The following CSRNP1 variants were observed in gnomAD, a reference collection of about 807,000 sequenced individuals.
The protein encoded by CSRNP1 is cysteine and serine rich nuclear protein 1, also known as cysteine/serine-rich nuclear protein 1.
A neutral mutation model predicts 25.0 loss-of-function variants in CSRNP1; 8 were observed. The observed-to-expected ratio is 0.32, with a 90% CI of 0.19 to 0.58. CSRNP1 has a LOEUF of 0.58. Ranked by LOEUF, CSRNP1 falls within the 20% of genes least tolerant of loss-of-function variation. The pLI, the probability that CSRNP1 is intolerant of heterozygous loss-of-function variation, is 0.88. For synonymous variants in CSRNP1, 305 were observed against 303.1 expected, an observed-to-expected ratio of 1.01 and a Z score of -0.06; for missense variants, 691 against 773.1, an observed-to-expected ratio of 0.89 and a Z score of 1.26.
intron 1 of CSRNP1, chr3:39,148,141 A>G (rs1453978700): frequency 6.6e-6 from 1 of 152,198 alleles, no homozygotes; most frequent in Non-Finnish European, 1.5e-5. Flanking sequence ...GCGTGAGAGA[A>G]GCAAGAAAAT....
chr3:39,144,542 AC>A (rs1252764791), intron 3 of CSRNP1, 91 bp from the exon 4 acceptor site: 6 of 1,270,962 alleles, frequency 4.7e-6, no homozygotes, highest in Non-Finnish European at 6.4e-6. Flanking sequence ...CCAAGTGCTT[AC>A]CCCCCCACTA....
At position 39,142,949 on chromosome 3, in the gene CSRNP1, T is replaced by C. The variant is rs984679253; in HGVS notation, c.*106A>G. On this transcript the variant is annotated 3_prime_UTR_variant, in exon 5 of 5. Coordinates refer to ENST00000273153, the MANE Select transcript of CSRNP1 (RefSeq NM_033027.4). ...ACCAGGAGTGTGCACATGGCACCTG[T>C]GGGTGAGCCAGCCAGTGGGAGACTG... The C allele has an allele frequency of 2.6e-5, 34 of 1,299,842 alleles. No homozygotes were observed. Among genetic ancestry groups the C allele is most frequent in the Non-Finnish European group, 3.5e-5 (33 of 942,248 alleles). The allele number at this position is 1,299,842 out of a possible 1,614,324, so 80.5% of individuals were successfully genotyped here.
At position 39,144,106 on chromosome 3, in the gene CSRNP1, C is replaced by T. The variant is rs773426848; in HGVS notation, c.780+31G>A. ...TGGAGTGCAAAGAAGTCCCCACGCT[C>T]AGGATCCCCATCCCAGTCCAGCCAC... On this transcript the variant is annotated intron_variant, in intron 4 of 4. Coordinates refer to ENST00000273153, the MANE Select transcript of CSRNP1 (RefSeq NM_033027.4). 28 of 1,607,520 alleles carry T rather than the reference C, an allele frequency of 1.7e-5. 1 individual carries two copies. The South Asian group carries it at 2.5e-4, about 15-fold the overall frequency.
At chr3:39,144,102 C>G (rs750534639) in intron 4 of CSRNP1, 35 bp downstream of exon 4, 5 of 1,606,522 alleles carry the variant, frequency 3.1e-6, no homozygotes, top group African/African-American at 1.3e-5. Context: ...GAAGTCCCCA[C>G]GCTCAGGATC....
rs780522832 is a variant in CSRNP1, at chr3:39,143,878, G to A, written c.947C>T (p.Ala316Val). The A allele has an allele frequency of 2.5e-5, 40 of 1,614,092 alleles. No individual in the cohort carries two copies. In the Admixed American group the frequency reaches 5.2e-4, roughly 21 times the overall value. The change falls in exon 5 of 5, where the codon GCC becomes GTC. Residue 316 changes from alanine (A) to valine (V), a missense_variant. By Grantham distance (64) the Ala-to-Val change is moderately conservative (BLOSUM62 0). Transcript: ENST00000273153. ...ACCAGGGCTGGGTGGGCTGCCCTGG[G>A]CAGGGGCCTCCAGCTCCCTAAAGCT... Reference protein sequence around the residue: ...AESFRELEAPAQGSPPSPGEE... With the variant: ...AESFRELEAPVQGSPPSPGEE...
chr3:39,149,683 G>A (rs1045901692), intron 1 of CSRNP1: 1 of 152,302 alleles, frequency 6.6e-6, no homozygotes, highest in Admixed American at 6.6e-5. Context: ...TCAAGAAGCT[G>A]AAGCTGACCT....
At chr3:39,154,604 C>G (rs919939995), upstream of CSRNP1, 2 of 152,654 alleles carry the variant, frequency 1.3e-5, no homozygotes, top group African/African-American at 4.8e-5. Context: ...AAGGGCTCAG[C>G]TTGCACTGCC....
chr3:39,146,769 G>A (rs1462460403), intron 1 of CSRNP1, 47 bp from the exon 2 acceptor site: 1 of 1,512,470 alleles, frequency 6.6e-7, no homozygotes, highest in Non-Finnish European at 8.8e-7. Context: ...GGCAGCAGCA[G>A]GTGGACTTCC....
chr3:39,142,370 C>G lies in CSRNP1; in HGVS notation c.*685G>C, dbSNP rs575514734. ...CAGCTGTTCAGCCCAGGCTCTCCCC[C>G]TGCCTAGATGATGTCCTTGGCCAGC... On this transcript the variant is annotated 3_prime_UTR_variant, in exon 5 of 5. Coordinates refer to ENST00000273153, the MANE Select transcript of CSRNP1 (RefSeq NM_033027.4). 2.0e-5 allele frequency: 3 copies of G among 152,944 alleles called. No individual in the cohort carries two copies. The South Asian group carries it at 6.2e-4, about 32-fold the overall frequency. The allele number at this position is 152,944 out of a possible 1,614,324, so 9.5% of individuals were successfully genotyped here.
intron 1 of CSRNP1, chr3:39,150,255 A>G (rs1240039558): frequency 6.6e-6 from 1 of 152,216 alleles, no homozygotes; most frequent in Non-Finnish European, 1.5e-5. Context: ...TTTCCCTATC[A>G]CAGACTATAT....
intron 3 of CSRNP1, 23 bp downstream of exon 3, chr3:39,144,974 G>A (rs771777455): frequency 1.9e-5 from 30 of 1,581,316 alleles, no homozygotes; most frequent in Middle Eastern, 1.7e-4. Context: ...CAGGAGGTGC[G>A]CCACGGAGAG....
chr3:39,148,332 C>A, intron 1 of CSRNP1: 1 of 152,402 alleles, frequency 6.6e-6, no homozygotes, highest in Non-Finnish European at 1.5e-5. Flanking sequence ...GATTCATGAC[C>A]CAGAGGCAGG....
intron 1 of CSRNP1, chr3:39,149,029 G>C (rs937768566): frequency 6.6e-6 from 1 of 152,124 alleles, no homozygotes; most frequent in African/African-American, 2.4e-5. Context: ...AGACCTCATA[G>C]GGTTGGGGGG....
intron 1 of CSRNP1, 82 bp from the exon 2 acceptor site, chr3:39,146,804 T>C: frequency 1.3e-6 from 2 of 1,483,092 alleles, no homozygotes; most frequent in Non-Finnish European, 1.8e-6. Flanking sequence ...TCCCTCCCAC[T>C]TACCCTCCAA....
rs1575574655 is a variant in CSRNP1 at position 39,142,990 on chromosome 3, G to A, written c.*65C>T. ...TGGGAGACTGTTACGCAGACTCTGG[G>A]GAGCCCCATAATTACAAGAAAGCAG... is the stretch of plus-strand genomic sequence containing the variant. On this transcript the variant is annotated 3_prime_UTR_variant, in exon 5 of 5. Coordinates refer to ENST00000273153, the MANE Select transcript of CSRNP1 (RefSeq NM_033027.4). The A allele has an allele frequency of 6.6e-7, 1 of 1,510,372 alleles. No individual in the cohort carries two copies. Among genetic ancestry groups the A allele is most frequent in the Non-Finnish European group, 8.9e-7 (1 of 1,127,394 alleles). 93.6% of individuals were successfully genotyped at this position (1,510,372 alleles called of 1,614,324 possible). A position where few individuals can be genotyped will look rare whatever the true frequency, so the allele number is the denominator to read the frequency against.
At chr3:39,147,274 G>A (rs2039528197) in intron 1 of CSRNP1, among the ~76,000 whole-genome samples, 1 of 151,532 alleles carries the variant, frequency 6.6e-6, no homozygotes, top group South Asian at 2.1e-4. Context: ...CGCACAGCCC[G>A]CACGGCCCTG....
chr3:39,149,157 C>T (rs926618612), intron 1 of CSRNP1: 2 of 150,804 alleles, frequency 1.3e-5, no homozygotes, highest in Admixed American at 6.6e-5. Flanking sequence ...TGGATGCACA[C>T]GACACAGATG....
rs1429066366 is a variant in CSRNP1 at position 39,145,132 on chromosome 3, A to G, written c.330T>C (p.Thr110=). The change falls in exon 3 of 5, where the codon ACT becomes ACC. Residue 110 remains threonine (T), a synonymous_variant. Coordinates refer to ENST00000273153, the MANE Select transcript of CSRNP1 (RefSeq NM_033027.4). The part of the protein sequence containing the change: ...FTSVPSRGGC[T]LGMALRHSAC... ...CACTGTGGCGAAGGGCCATACCCAG[A>G]GTACAGCCACCACGGCTGGGCACAC... The G allele has an allele frequency of 1.2e-6, 2 of 1,614,150 alleles. No individual in the cohort carries two copies. The highest frequency in any genetic ancestry group is 1.7e-6 in the Non-Finnish European group (2 of 1,180,056).
At chr3:39,147,448 G>A (rs893642999) in intron 1 of CSRNP1, among the ~76,000 whole-genome samples, 1 of 152,076 alleles carries the variant, frequency 6.6e-6, no homozygotes, top group African/African-American at 2.4e-5. Context: ...AGTAGTTTCT[G>A]AGCCCTTCCC....
Sources: allele counts gnomAD v4.1 joint callset (sites outside exome capture counted in the v4.1 genomes callset), GRCh38; gene constraint gnomAD v4.1.1; transcripts MANE v1.5; gene names NCBI Gene and HGNC (gene_info 2026-07-23, HGNC 2026-07-21).